The following BSN variants were observed in gnomAD, a reference collection of about 807,000 sequenced individuals.
The protein encoded by BSN is bassoon presynaptic cytomatrix protein.
A neutral mutation model predicts 264.8 loss-of-function variants in BSN; 57 were observed. That is an observed-to-expected ratio of 0.22 (90% CI 0.17 to 0.27). BSN has a LOEUF of 0.27. BSN is among the 10% of genes least tolerant of loss of function. BSN has a pLI of 1.00. For missense variants in BSN, 4,615 were observed against 5,232.5 expected (o/e 0.88, Z 3.64); for synonymous variants, 2,059 against 2,137.3 (o/e 0.96, Z 1.01).
intron 1 of BSN, among the ~76,000 whole-genome samples, chr3:49,606,886 C>T (rs548979833): frequency 2.6e-4 from 40 of 152,238 alleles, no homozygotes; most frequent in East Asian, 1.2e-3. Flanking sequence ...GAGGCCGAGG[C>T]GGGCGGATCA....
rs148186047 is a variant in BSN at position 49,570,691 on chromosome 3, G to C, written c.224+15865G>C. ...CACCCCTGAGTGTTGAGTGAGGAAA[G>C]CAAACATGTTCTCCCTGTATTCAAA... On this transcript the variant is annotated intron_variant, in intron 1 of 11. Transcript: ENST00000296452. Among the ~76,000 whole-genome samples the C allele has an allele frequency of 9.0e-3, 1,364 of 152,292 alleles. 39 individuals are homozygous for C. Among genetic ancestry groups the C allele is most frequent in the Admixed American group, 0.061 (926 of 15,286 alleles).
chr3:49,673,087 CTTTTT>C (rs71080543), downstream of BSN, among the ~76,000 whole-genome samples: 3,297 of 42,944 alleles, frequency 0.077, 104 homozygotes, highest in Non-Finnish European at 0.095. Flanking sequence ...CCGGCCGGGA[CTTTTT>C]TTTTTTTTTT....
At chr3:49,589,512 TC>T (rs1207119400) in intron 1 of BSN, among the ~76,000 whole-genome samples, 1 of 4,774 alleles carries the variant, frequency 2.1e-4, no homozygotes. Flanking sequence ...TTTCTTTCTT[TC>T]TTTTTTTTTT....
chr3:49,612,021 G>GA, intron 1 of BSN, among the ~76,000 whole-genome samples: 1 of 151,948 alleles, frequency 6.6e-6, no homozygotes, highest in East Asian at 1.9e-4. Flanking sequence ...GACTAAGTAG[G>GA]AAAAAAGACA....
Position 49,663,365 on chromosome 3 carries a change from A to G in BSN, c.11207A>G (p.Gln3736Arg), listed in dbSNP as rs759266160. ...RQAHSGPAAL[Q>R]SKAEPQAQPQ... ...GCCCACTCCGGGCCCGCTGCACTGC[A>G]GTCAAAGGCAGAACCCCAGGCGCAG... The change falls in exon 7 of 12, where the codon CAG (glutamine) becomes CGG (arginine). Residue 3736 changes from glutamine to arginine, a missense_variant. Transcript: ENST00000296452. 1.2e-6 allele frequency: 2 copies of G among 1,613,366 alleles called. No individual in the cohort carries two copies. Among genetic ancestry groups the G allele is most frequent in the South Asian group, 1.1e-5 (1 of 91,088 alleles).
At chr3:49,604,662 T>C (rs541953273) in intron 1 of BSN, among the ~76,000 whole-genome samples, 1 of 152,220 alleles carries the variant, frequency 6.6e-6, no homozygotes, top group Non-Finnish European at 1.5e-5. Context: ...GAATGATGCA[T>C]AGATTCTTGA....
chr3:49,652,672 ACTC>A lies in BSN; in HGVS notation c.3120_3122del (p.Ser1041del). ...GGGCCCCTGCTACCCACCATCGAGG[ACTC>A]CTCAGAGGAGGAGGAGCTGCGGGAG... On this transcript the variant is annotated inframe_deletion, in exon 5 of 12. Transcript: ENST00000296452. 1.3e-6 allele frequency: 2 copies of A among 1,597,970 alleles called. No individual in the cohort carries two copies. The highest frequency in any genetic ancestry group is 1.7e-6 in the Non-Finnish European group (2 of 1,172,492).
chr3:49,579,178 A>G (rs767820041), intron 1 of BSN, among the ~76,000 whole-genome samples: 3 of 150,898 alleles, frequency 2.0e-5, no homozygotes, highest in Non-Finnish European at 4.4e-5. Flanking sequence ...TTTAAGTGAC[A>G]GAATCTTCCT....
At chr3:49,637,405 A>G (rs1423590002) in intron 2 of BSN, among the ~76,000 whole-genome samples, 1 of 152,136 alleles carries the variant, frequency 6.6e-6, no homozygotes, top group African/African-American at 2.4e-5. Context: ...TTGAGGGCTG[A>G]GACACTCTGT....
At chr3:49,599,623 A>G (rs547165457) in intron 1 of BSN, among the ~76,000 whole-genome samples, 16 of 152,292 alleles carry the variant, frequency 1.1e-4, no homozygotes, top group African/African-American at 3.6e-4. Flanking sequence ...TCTCGATTGA[A>G]TATTTTTCCA....
rs763888859 is a variant in BSN at position 49,656,272 on chromosome 3, C to T, written c.6716C>T (p.Thr2239Ile). ...GGTGGAATCACAGCCGTGCCACTCA[C>T]CAGTCTGACACGTGTGCCCATGATT... ...ASGGITAVPL[T>I]SLTRVPMIAP... Residue 2239 changes from threonine to isoleucine, a missense_variant, in exon 5 of 12, where the codon ACC (threonine) becomes ATC (isoleucine). By Grantham distance (89) the Thr-to-Ile change is moderately conservative. Around this residue, in one of 3 missense-constraint regions of BSN, gnomAD observed 3,415 missense variants for 3,866.4 expected, o/e 0.88. Transcript: ENST00000296452. 1.9e-6 allele frequency: 3 copies of T among 1,612,896 alleles called. No individual in the cohort carries two copies. The African/African-American group carries it at 4.0e-5, about 22-fold the overall frequency.
At chr3:49,639,732 T>C (rs1237779533) in intron 2 of BSN, among the ~76,000 whole-genome samples, 1 of 152,234 alleles carries the variant, frequency 6.6e-6, no homozygotes, top group Non-Finnish European at 1.5e-5. Flanking sequence ...GTTTAGGAGC[T>C]ACGCAGAGCT....
rs750173097 is a variant in BSN, at chr3:49,652,696, G to A, written c.3140G>A (p.Arg1047Gln). 7.0e-6 allele frequency: 11 copies of A among 1,575,426 alleles called. No homozygotes were observed. Among genetic ancestry groups the A allele is most frequent in the East Asian group, 2.2e-5 (1 of 44,532 alleles). ...IEDSSEEEELREEEELLREQE... is the reference protein window; with the variant it reads ...IEDSSEEEELQEEEELLREQE... ...GACTCCTCAGAGGAGGAGGAGCTGCGGGAGGAAGAGGAGCTGCTTCGTGAG... is the reference window on the plus strand; with the variant it reads ...GACTCCTCAGAGGAGGAGGAGCTGCAGGAGGAAGAGGAGCTGCTTCGTGAG... The change falls in exon 5 of 12, where the codon CGG becomes CAG. Residue 1047 changes from arginine (R) to glutamine (Q), a missense_variant. Coordinates refer to ENST00000296452, the MANE Select transcript of BSN (RefSeq NM_003458.4).
chr3:49,605,907 A>T (rs377262115), intron 1 of BSN, among the ~76,000 whole-genome samples: 232 of 2,160 alleles, frequency 0.11, no homozygotes, highest in Non-Finnish European at 0.15. Flanking sequence ...TGTCTATATA[A>T]ATAGATATAA....
rs566812779 is a variant in BSN, at chr3:49,668,053, G to C, written c.*568G>C. The C allele has an allele frequency of 6.5e-6, 1 of 152,768 alleles. No individual in the cohort carries two copies. The highest frequency in any genetic ancestry group is 2.1e-4 in the South Asian group (1 of 4,824). The allele number at this position is 152,768 out of a possible 1,614,324, so 9.5% of individuals were successfully genotyped here. Reference sequence around the variant, plus strand: ...GGATCCCTCTGTGGCACAGGGCCCTGCCCGTCACATGCCCTCTGGGTGACA... The same window carrying C: ...GGATCCCTCTGTGGCACAGGGCCCTCCCCGTCACATGCCCTCTGGGTGACA... On this transcript the variant is annotated 3_prime_UTR_variant, in exon 12 of 12. Coordinates refer to ENST00000296452, the MANE Select transcript of BSN (RefSeq NM_003458.4).
chr3:49,642,590 C>T lies in BSN; in HGVS notation c.956C>T (p.Pro319Leu). 2 of 1,605,494 alleles carry T rather than the reference C, an allele frequency of 1.2e-6. No homozygotes were observed. Among genetic ancestry groups the T allele is most frequent in the Non-Finnish European group, 1.7e-6 (2 of 1,174,926 alleles). Residue 319 changes from proline (P) to leucine (L), a missense_variant, in exon 3 of 12, where the codon CCA becomes CTA. Pro to Leu is a moderately conservative substitution (Grantham distance 98). This residue lies in a region of BSN where 1,197 missense variants were observed against 1,348.0 expected (regional missense o/e 0.89). Coordinates refer to ENST00000296452, the MANE Select transcript of BSN (RefSeq NM_003458.4). The surrounding 1 kb of genome is among the most constrained non-coding windows in gnomAD (Gnocchi z 7.0). ...AAGCCTTCCACAGCTGAGCCCAGGC[C>T]ACCTGCAGGAGAGGCCCCGGCCAAA... ...PTKPSTAEPR[P>L]PAGEAPAKSA...
In BSN at chr3:49,612,677, G is replaced by A. The variant is rs1331541967; in HGVS notation, c.225-12298G>A. 2.0e-5 allele frequency among the ~76,000 whole-genome samples: 3 copies of A among 152,140 alleles called. No individual in the cohort carries two copies. In the East Asian group the frequency reaches 5.8e-4, roughly 29 times the overall value. ...TGTGGCAGGTGAGGGGAAAACTATG[G>A]GTTGCCAGCAATTCAGACAATAGAA... On this transcript the variant is annotated intron_variant, in intron 1 of 11. Transcript: ENST00000296452.
intron 2 of BSN, among the ~76,000 whole-genome samples, chr3:49,627,484 C>T (rs1462948527): frequency 2.0e-5 from 3 of 152,192 alleles, no homozygotes; most frequent in Non-Finnish European, 1.5e-5. Context: ...AGTGCAGTTG[C>T]TCTTTGTCAC....
chr3:49,624,857 C>A, intron 1 of BSN, 118 bp from the exon 2 acceptor site: 1 of 949,836 alleles, frequency 1.1e-6, no homozygotes, highest in Non-Finnish European at 1.5e-6. Context: ...GATGATTCTT[C>A]TGGGCAGGAG....
Sources: gnomAD v4.1 joint callset for allele counts (sites outside exome capture counted in the v4.1 genomes callset) on GRCh38, gnomAD v4.1.1 for gene constraint, gnomAD v4.1.1 regional missense constraint, Gnocchi (gnomAD v3.1) non-coding constraint, MANE v1.5 for transcripts, NCBI Gene and HGNC (gene_info 2026-07-23, HGNC 2026-07-21) for gene names.